Variants in OTOG observed in about 807,000 individuals in gnomAD.
OTOG encodes the protein otogelin.
Under a neutral mutation model 313.8 loss-of-function variants are expected in OTOG, and 296 were observed. That is an observed-to-expected ratio of 0.94 (90% CI 0.86 to 1.04). The LOEUF is 1.04. Among genes scored for constraint, OTOG ranks in the 50% least tolerant of loss-of-function variants. The pLI is 0.00. For missense variants in OTOG, 3,948 were observed against 3,840.1 expected (o/e 1.03, Z -0.74); for synonymous variants, 1,533 against 1,554.9 (o/e 0.99, Z 0.33).
At chr11:17,607,322 G>T (rs183813458) in intron 33 of OTOG, among the ~76,000 whole-genome samples, 9 of 152,222 alleles carry the variant, frequency 5.9e-5, no homozygotes, top group African/African-American at 1.9e-4. Flanking sequence ...ACACCTCCCT[G>T]TTCAGGCTGT....
chr11:17,644,773 C>T (rs1240572853), intron 54 of OTOG, among the ~76,000 whole-genome samples: 1 of 152,022 alleles, frequency 6.6e-6, no homozygotes, highest in African/African-American at 2.4e-5. Flanking sequence ...TGATTCACAT[C>T]GTAATTACCG....
At chr11:17,598,294 T>C (rs1030933862) in intron 30 of OTOG, among the ~76,000 whole-genome samples, 1 of 152,230 alleles carries the variant, frequency 6.6e-6, no homozygotes, top group Admixed American at 6.5e-5. Context: ...GCTGTAAAAA[T>C]ACTGTGATGA....
chr11:17,559,244 C>A, intron 11 of OTOG, 83 bp downstream of exon 11: 1 of 1,095,362 alleles, frequency 9.1e-7, no homozygotes, highest in Non-Finnish European at 1.3e-6. Context: ...TCTTGTCCTG[C>A]TCAGAATCAC....
Position 17,559,134 on chromosome 11 carries a change from G to A in OTOG, c.1186G>A (p.Gly396Ser), listed in dbSNP as rs1219112130. Reference protein sequence around the residue: ...ACAQAGRPLQGWRTQLRQCTV... With the variant: ...ACAQAGRPLQSWRTQLRQCTV... ...TGCCCAGGCAGGGCGGCCCTTGCAAGGCTGGAGGACCCAGCTCCGGCAATG... is the reference window on the plus strand; with the variant it reads ...TGCCCAGGCAGGGCGGCCCTTGCAAAGCTGGAGGACCCAGCTCCGGCAATG... The change falls in exon 11 of 56, where the codon GGC becomes AGC. Residue 396 changes from glycine to serine, a missense_variant. Coordinates refer to ENST00000399397, the MANE Select transcript of OTOG (RefSeq NM_001292063.2). 6.5e-7 allele frequency: 1 copy of A among 1,540,850 alleles called. No individual in the cohort carries two copies. The highest frequency in any genetic ancestry group is 1.4e-5 in the African/African-American group (1 of 73,054).
chr11:17,599,136 G>C (rs1853182413), intron 30 of OTOG, among the ~76,000 whole-genome samples: 1 of 152,194 alleles, frequency 6.6e-6, no homozygotes, highest in African/African-American at 2.4e-5. Flanking sequence ...GACCACTAGA[G>C]GGCAAGCTGA....
chr11:17,613,800 AG>A, intron 39 of OTOG, 99 bp downstream of exon 39: 1 of 638,144 alleles, frequency 1.6e-6, no homozygotes, highest in African/African-American at 1.9e-5. Flanking sequence ...ATCATGATTC[AG>A]GGCAGGGGTG....
In OTOG at chr11:17,631,773, C is replaced by T. The variant is rs779026437; in HGVS notation, c.6784C>T (p.Pro2262Ser). ...DGSVVGGAED[P>S]APFLDSWQVP... Reference sequence around the variant, plus strand: ...CTCAGTGGTGGGTGGGGCTGAGGACCCTGCTCCCTTTCTGGACAGCTGGCA... The same window carrying T: ...CTCAGTGGTGGGTGGGGCTGAGGACTCTGCTCCCTTTCTGGACAGCTGGCA... Residue 2262 changes from proline to serine, a missense_variant, in exon 41 of 56, where the codon CCT becomes TCT. Coordinates refer to ENST00000399397, the MANE Select transcript of OTOG (RefSeq NM_001292063.2). 11 of 1,550,578 alleles carry T rather than the reference C, an allele frequency of 7.1e-6. No homozygotes were observed. Among genetic ancestry groups the T allele is most frequent in the Non-Finnish European group, 8.7e-6 (10 of 1,146,990 alleles).
intron 38 of OTOG, among the ~76,000 whole-genome samples, chr11:17,613,253 TTCTTTCTTTCTTTC>T (rs1358618229): frequency 6.6e-5 from 8 of 121,560 alleles, no homozygotes; most frequent in African/African-American, 3.0e-4. Context: ...CTTTCTTTCT[TTCTTTCTTTCTTTC>T]TCTCTCTGTC....
intron 15 of OTOG, among the ~76,000 whole-genome samples, chr11:17,564,191 A>G (rs150879473): frequency 4.1e-4 from 63 of 152,268 alleles, no homozygotes; most frequent in African/African-American, 1.5e-3. Context: ...GGGCATGGTG[A>G]GGTTACACAG....
intron 24 of OTOG, among the ~76,000 whole-genome samples, chr11:17,591,194 C>T (rs188521232): frequency 6.6e-6 from 1 of 152,088 alleles, no homozygotes; most frequent in African/African-American, 2.4e-5. Flanking sequence ...GGAGTGTAGA[C>T]TTTGGAGTTA....
At position 17,634,428 on chromosome 11, in the gene OTOG, C is replaced by T. The variant is rs1854210048; in HGVS notation, c.7480+147C>T. 8.5e-5 allele frequency: 77 copies of T among 908,910 alleles called. No individual in the cohort carries two copies. In the South Asian group the frequency reaches 1.3e-3, roughly 15 times the overall value. The allele number at this position is 908,910 out of a possible 1,614,324, so 56.3% of individuals were successfully genotyped here. The stretch of plus-strand genomic sequence containing the variant: ...TGAGCTTGGAGGAGGGGAGAACCCT[C>T]CCTGGGGGCAGGGGCAGAGGCTCAG... On this transcript the variant is annotated intron_variant, in intron 44 of 55. Transcript: ENST00000399397.
At chr11:17,559,909 G>GAAGGAATGAAGGAAGGGAGGAAGAA (rs1554968737) in intron 12 of OTOG, among the ~76,000 whole-genome samples, 1 of 148,704 alleles carries the variant, frequency 6.7e-6, no homozygotes, top group African/African-American at 2.5e-5. Flanking sequence ...AGGGAGGAAG[G>GAAGGAATGAAGGAAGGGAGGAAGAA]AAGGAAAGAA....
chr11:17,622,659 C>T (rs1231541453), intron 39 of OTOG, among the ~76,000 whole-genome samples: 3 of 152,148 alleles, frequency 2.0e-5, no homozygotes, highest in African/African-American at 4.8e-5. Flanking sequence ...TCCATTTTCA[C>T]CCATGTTTTT....
intron 3 of OTOG, among the ~76,000 whole-genome samples, chr11:17,551,063 C>T (rs1442355624): frequency 6.7e-6 from 1 of 150,246 alleles, no homozygotes; most frequent in African/African-American, 2.4e-5. Context: ...CAGTTTGTGG[C>T]TTGTTGGCCC....
At position 17,547,386 on chromosome 11, in the gene OTOG, C is replaced by T. The variant is rs1018902503; in HGVS notation, c.14C>T (p.Ala5Val). 9.9e-6 allele frequency: 14 copies of T among 1,412,688 alleles called. No homozygotes were observed. The highest frequency in any genetic ancestry group is 1.2e-5 in the Non-Finnish European group (13 of 1,089,702). 87.5% of individuals were successfully genotyped at this position (1,412,688 alleles called of 1,614,324 possible). Residue 5 changes from alanine (A) to valine (V), a missense_variant, in exon 1 of 56, where the codon GCG (alanine) becomes GTG (valine). Coordinates refer to ENST00000399397, the MANE Select transcript of OTOG (RefSeq NM_001292063.2). Reference protein sequence around the residue: MGVLASALCWLLCVW... With the variant: MGVLVSALCWLLCVW... ...CCTCGTGTCCCTATGGGAGTCCTGG[C>T]GTCTGCGCTCTGCTGGCTGCTTTGT... is the stretch of plus-strand genomic sequence containing the variant.
At chr11:17,645,088 CA>C (rs1334156076) in intron 54 of OTOG, among the ~76,000 whole-genome samples, 6 of 152,166 alleles carry the variant, frequency 3.9e-5, no homozygotes, top group Non-Finnish European at 8.8e-5. Context: ...GGAAACCAAA[CA>C]AAGCATCCCA....
At chr11:17,628,313 T>C (rs1238668416) in intron 39 of OTOG, among the ~76,000 whole-genome samples, 3 of 152,226 alleles carry the variant, frequency 2.0e-5, no homozygotes, top group Non-Finnish European at 4.4e-5. Context: ...AATTTTTTTA[T>C]TGACCCACTT....
At chr11:17,570,079 CGCAGGCAGGCAG>C (rs991832428) in intron 16 of OTOG, 122 bp from the exon 17 acceptor site, 7 of 760,794 alleles carry the variant, frequency 9.2e-6, no homozygotes, top group Non-Finnish European at 1.5e-5. Context: ...ATGGCAGGCA[CGCAGGCAGGCAG>C]GCAGGCAGGG....
In OTOG at chr11:17,610,810, C is replaced by A. The variant is rs1270783168; in HGVS notation, c.5510C>A (p.Ala1837Asp). 1 of 1,550,806 alleles carries A rather than the reference C, an allele frequency of 6.4e-7. No individual in the cohort carries two copies. The highest frequency in any genetic ancestry group is 2.4e-5 in the East Asian group (1 of 40,908). The change falls in exon 36 of 56, where the codon GCC becomes GAC. Residue 1837 changes from alanine to aspartate, a missense_variant. By Grantham distance (126) the Ala-to-Asp change is moderately radical. Coordinates refer to ENST00000399397, the MANE Select transcript of OTOG (RefSeq NM_001292063.2). ...ATCACCACTCCACTCCAGCCACAGG[C>A]CACGACTCTGCCTGCTCAGACACTT... is the stretch of plus-strand genomic sequence containing the variant. The part of the protein sequence containing the change: ...SVITTPLQPQ[A>D]TTLPAQTLSP...
Sources: gnomAD v4.1 joint callset for allele counts (sites outside exome capture counted in the v4.1 genomes callset) on GRCh38, gnomAD v4.1.1 for gene constraint, MANE v1.5 for transcripts, NCBI Gene and HGNC (gene_info 2026-07-23, HGNC 2026-07-21) for gene names.